The following PLXNB2 variants were observed in gnomAD, a reference collection of about 807,000 sequenced individuals.
PLXNB2 encodes plexin B2.
A neutral mutation model predicts 202.6 loss-of-function variants in PLXNB2; 85 were observed. That is an observed-to-expected ratio of 0.42 (90% CI 0.35 to 0.50). The LOEUF (loss-of-function observed/expected upper bound fraction) is 0.50, where lower values mean the gene tolerates loss of function less well. PLXNB2 is among the 20% of genes least tolerant of loss of function. The pLI, the probability that PLXNB2 is intolerant of heterozygous loss-of-function variation, is 0.02. For missense variants in PLXNB2, 2,063 were observed against 2,586.2 expected (o/e 0.80, Z 4.39); for synonymous variants, 1,239 against 1,137.6 (o/e 1.09, Z -1.79).
Position 50,288,965 on chromosome 22 carries a change from G to C in PLXNB2, c.1246C>G (p.Leu416Val). 6.2e-7 allele frequency: 1 copy of C among 1,608,390 alleles called. No individual in the cohort carries two copies. Among genetic ancestry groups the C allele is most frequent in the Non-Finnish European group, 8.5e-7 (1 of 1,176,272 alleles). The change falls in exon 4 of 37, where the codon CTC (leucine) becomes GTC (valine). Residue 416 changes from leucine to valine, a missense_variant. Transcript: ENST00000359337. This position sits in a 1 kb window ranked among gnomAD's most constrained non-coding sequence, Gnocchi z 5.0. Reference protein sequence around the residue: ...AFLGTSDGRILKVYLTPDGTS... With the variant: ...AFLGTSDGRIVKVYLTPDGTS... Reference sequence around the variant, plus strand: ...CGCCCCAGCCTGGGCCAAACCTTGAGGATCCGGCCATCAGAGGTGCCCAGA... The same window carrying C: ...CGCCCCAGCCTGGGCCAAACCTTGACGATCCGGCCATCAGAGGTGCCCAGA...
In PLXNB2 at chr22:50,290,558, G is replaced by A. The variant is rs780833342; in HGVS notation, c.27C>T (p.Thr9=). ...CACCTGCGCCCAGCAGGCCCAGCAG[G>A]GTCAGGGCCCAGAGCTGCAGTGCCA... is the stretch of plus-strand genomic sequence containing the variant. MALQLWAL[T]LLGLLGAGAS... The change falls in exon 3 of 37, where the codon ACC becomes ACT. Residue 9 remains threonine (T), a synonymous_variant. Transcript: ENST00000359337. The A allele has an allele frequency of 1.5e-5, 24 of 1,610,346 alleles. No individual in the cohort carries two copies. The highest frequency in any genetic ancestry group is 1.2e-5 in the Non-Finnish European group (14 of 1,179,548).
At position 50,288,291 on chromosome 22, in the gene PLXNB2, GC is replaced by G. The variant is rs2066617271; in HGVS notation, c.1381-255del. On this transcript the variant is annotated intron_variant, in intron 5 of 36. Coordinates refer to ENST00000359337, the MANE Select transcript of PLXNB2 (RefSeq NM_012401.4). The surrounding 1 kb of genome is among the most constrained non-coding windows in gnomAD (Gnocchi z 5.0). ...GGGGCAGCTCCTGTCCTCTACACTG[GC>G]TCCCTCCGAGGGGTGCTCCTAGGGC... Among the ~76,000 whole-genome samples, 1 of 152,064 alleles carries G rather than the reference GC, an allele frequency of 6.6e-6. No individual in the cohort carries two copies. Among genetic ancestry groups the G allele is most frequent in the Non-Finnish European group, 1.5e-5 (1 of 68,004 alleles).
At chr22:50,302,745 C>T (rs770685618) in intron 1 of PLXNB2, among the ~76,000 whole-genome samples, 14 of 152,160 alleles carry the variant, frequency 9.2e-5, no homozygotes, top group Non-Finnish European at 4.4e-5. Context: ...CACCTCCCTC[C>T]CACCACCTGC....
At chr22:50,294,155 G>A (rs2067092785) in intron 2 of PLXNB2, among the ~76,000 whole-genome samples, 1 of 152,256 alleles carries the variant, frequency 6.6e-6, no homozygotes, top group African/African-American at 2.4e-5. Context: ...AGGGAGGGCG[G>A]GCAGCAGGCA....
rs375120113 is a variant in PLXNB2 at position 50,287,810 on chromosome 22, C to T, written c.1482-17G>A. ...CGGGTGCATCTGCAGGCGCAGGGGG[C>T]GGCCTCAGCCCAGGGTGGAGTCTTG... On this transcript the variant is annotated splice_polypyrimidine_tract_variant and intron_variant, in intron 6 of 36. Coordinates refer to ENST00000359337, the MANE Select transcript of PLXNB2 (RefSeq NM_012401.4). 70 of 1,595,338 alleles carry T rather than the reference C, an allele frequency of 4.4e-5. No individual in the cohort carries two copies. Among genetic ancestry groups the T allele is most frequent in the South Asian group, 2.6e-4 (23 of 90,156 alleles).
chr22:50,279,409 G>A (rs924117821), intron 27 of PLXNB2, among the ~76,000 whole-genome samples: 11 of 152,220 alleles, frequency 7.2e-5, no homozygotes, highest in Admixed American at 5.9e-4. Flanking sequence ...GGGGGCGCCC[G>A]GGAAGAGCTG....
In PLXNB2 at chr22:50,279,873, T is replaced by C. The variant is rs1193437317; in HGVS notation, c.4243-97A>G. 21 of 1,494,410 alleles carry C rather than the reference T, an allele frequency of 1.4e-5. No homozygotes were observed. The East Asian group carries it at 3.6e-4, about 26-fold the overall frequency. 92.6% of individuals were successfully genotyped at this position (1,494,410 alleles called of 1,614,324 possible). A position where few individuals can be genotyped will look rare whatever the true frequency, so the allele number is the denominator to read the frequency against. On this transcript the variant is annotated intron_variant, in intron 26 of 36. Transcript: ENST00000359337. ...CCAGAGGCATGGACGGGGCTGACCATGTCAGGGGCAGGAAGCAAACCTGTC... is the reference window on the plus strand; with the variant it reads ...CCAGAGGCATGGACGGGGCTGACCACGTCAGGGGCAGGAAGCAAACCTGTC...
chr22:50,299,697 G>A (rs924131279), intron 1 of PLXNB2, among the ~76,000 whole-genome samples: 3 of 152,262 alleles, frequency 2.0e-5, no homozygotes, highest in African/African-American at 7.2e-5. Context: ...ACTGGGTGGA[G>A]AGCGCGCGGG....
At chr22:50,302,836 C>T (rs1294102920) in intron 1 of PLXNB2, among the ~76,000 whole-genome samples, 7 of 151,782 alleles carry the variant, frequency 4.6e-5, no homozygotes, top group Admixed American at 2.6e-4. Flanking sequence ...GGTGTCAAGC[C>T]GGTAAGGCTG....
intron 1 of PLXNB2, among the ~76,000 whole-genome samples, chr22:50,302,879 A>T (rs2067760755): frequency 6.6e-6 from 1 of 152,126 alleles, no homozygotes; most frequent in Non-Finnish European, 1.5e-5. Context: ...TGGGCTCAGC[A>T]GTGTTCTGTG....
rs770337570 is a variant in PLXNB2 at position 50,281,704 on chromosome 22, G to A, written c.3384C>T (p.Ala1128=). 2.3e-5 allele frequency: 36 copies of A among 1,564,250 alleles called. No homozygotes were observed. The highest frequency in any genetic ancestry group is 4.1e-5 in the African/African-American group (3 of 73,778). Residue 1128 remains alanine (A), a synonymous_variant, in exon 21 of 37, where the codon GCC becomes GCT. Transcript: ENST00000359337. ...NLNKAMTLQE[A]EAFVGAERCT... ...AGCGCTCGGCACCCACGAAGGCCTC[G>A]GCCTCCTGCAGCGTCATCGCCTTGT...
At chr22:50,295,214 G>A (rs954373148) in intron 1 of PLXNB2, among the ~76,000 whole-genome samples, 5 of 151,650 alleles carry the variant, frequency 3.3e-5, no homozygotes, top group Non-Finnish European at 5.9e-5. Context: ...CCAGCTACTC[G>A]GGAGGCTGAG....
rs201209819 is a variant in PLXNB2 at position 50,281,458 on chromosome 22, C to T, written c.3564G>A (p.Glu1188=). ...GSREWVLGRV[E]YDTRVSDVPL... is the part of the protein sequence containing the mutation. ...GCACGTCGCTCACCCGTGTGTCGTA[C>T]TCCACGCGGCCCAGCACCCACTCGC... Residue 1188 remains glutamate, a synonymous_variant, in exon 22 of 37, where the codon GAG becomes GAA. Transcript: ENST00000359337. The T allele has an allele frequency of 3.6e-5, 58 of 1,612,398 alleles. No individual in the cohort carries two copies. Among genetic ancestry groups the T allele is most frequent in the Non-Finnish European group, 4.6e-5 (54 of 1,179,834 alleles).
chr22:50,286,150 G>T, intron 9 of PLXNB2, 23 bp downstream of exon 9: 1 of 1,610,114 alleles, frequency 6.2e-7, no homozygotes, highest in Non-Finnish European at 8.5e-7. Context: ...GCAGGGTGGG[G>T]TCGATGGGCA....
intron 7 of PLXNB2, 77 bp downstream of exon 7, chr22:50,287,590 A>C: frequency 7.2e-7 from 1 of 1,388,432 alleles, no homozygotes; most frequent in Non-Finnish European, 9.7e-7. Flanking sequence ...TGCCTGTCCC[A>C]ACAGCTCCCA....
chr22:50,297,077 C>T lies in PLXNB2; in HGVS notation c.-73-2299G>A, dbSNP rs751262483. On this transcript the variant is annotated intron_variant, in intron 1 of 36. Transcript: ENST00000359337. This position sits in a 1 kb window ranked among gnomAD's most constrained non-coding sequence, Gnocchi z 5.3. ...CTGCTCCTCTGGCAAACTCAGGAGC[C>T]AAAGCACAGGGCAGCACCGGGTCTC... Among the ~76,000 whole-genome samples the T allele has an allele frequency of 2.0e-5, 3 of 152,202 alleles. No homozygotes were observed. The South Asian group carries it at 6.2e-4, about 31-fold the overall frequency.
In PLXNB2 at chr22:50,288,620, G is replaced by A. The variant is rs534015690; in HGVS notation, c.1380+123C>T. The stretch of plus-strand genomic sequence containing the variant: ...CCAGCCACCCCTCATCCAGACCAAG[G>A]AGAAGGGCCCAGCTCTGCAGCACCC... On this transcript the variant is annotated intron_variant, in intron 5 of 36. Coordinates refer to ENST00000359337, the MANE Select transcript of PLXNB2 (RefSeq NM_012401.4). The surrounding 1 kb of genome is among the most constrained non-coding windows in gnomAD (Gnocchi z 5.0). 1 of 1,382,582 alleles carries A rather than the reference G, an allele frequency of 7.2e-7. No homozygotes were observed. Among genetic ancestry groups the A allele is most frequent in the South Asian group, 1.4e-5 (1 of 72,212 alleles). 85.6% of individuals were successfully genotyped at this position (1,382,582 alleles called of 1,614,324 possible).
At chr22:50,306,447 T>G (rs2147740997) in intron 1 of PLXNB2, among the ~76,000 whole-genome samples, 1 of 152,350 alleles carries the variant, frequency 6.6e-6, no homozygotes, top group South Asian at 2.1e-4. Flanking sequence ...TGTTCAGCTG[T>G]TCCGTGCCAG....
In PLXNB2 at chr22:50,287,112, C is replaced by G. The variant is rs1429426396; in HGVS notation, c.1761G>C (p.Gln587His). 7.9e-6 allele frequency: 12 copies of G among 1,515,090 alleles called. No individual in the cohort carries two copies. Among genetic ancestry groups the G allele is most frequent in the Non-Finnish European group, 1.1e-5 (12 of 1,127,292 alleles). The allele number at this position is 1,515,090 out of a possible 1,614,324, so 93.9% of individuals were successfully genotyped here. A position where few individuals can be genotyped will look rare whatever the true frequency, so the allele number is the denominator to read the frequency against. ...CGGGGGCTCGGGAAGGGGCCTCACC[C>G]TGGCCTGGCGGTGTGACGGGGATGC... ...PSSIPVTPPGQDHVAVTIQLL... is the reference protein window; with the variant it reads ...PSSIPVTPPGHDHVAVTIQLL... Residue 587 changes from glutamine to histidine, a missense_variant and splice_region_variant, in exon 8 of 37, where the codon CAG becomes CAC. Physicochemically the swap from Gln to His is conservative, Grantham distance 24. This residue lies in a region of PLXNB2 where 1,303 missense variants were observed against 1,476.8 expected (regional missense o/e 0.88). Transcript: ENST00000359337.
Sources: allele counts gnomAD v4.1 joint callset (sites outside exome capture counted in the v4.1 genomes callset), GRCh38; gene constraint gnomAD v4.1.1; regional missense constraint gnomAD v4.1.1; non-coding constraint Gnocchi (gnomAD v3.1); transcripts MANE v1.5; gene names NCBI Gene and HGNC (gene_info 2026-07-23, HGNC 2026-07-21).